SRGAP3: variants seen among roughly 807,000 people sequenced by gnomAD.
The protein encoded by SRGAP3 is SLIT-ROBO Rho GTPase activating protein 3.
Under a neutral mutation model 121.1 loss-of-function variants are expected in SRGAP3, and 39 were observed. The ratio of observed to expected loss-of-function variants is 0.32; its 90% CI spans 0.25 to 0.42. The LOEUF (loss-of-function observed/expected upper bound fraction) is 0.42, where lower values mean the gene tolerates loss of function less well. Among genes scored for constraint, SRGAP3 ranks in the 10% least tolerant of loss-of-function variants. The probability of loss-of-function intolerance (pLI) is 1.00; values close to 1 mark genes in which losing one functional copy is unlikely to be tolerated. For missense variants in SRGAP3, 1,213 were observed against 1,470.6 expected (o/e 0.82, Z 2.86); for synonymous variants, 601 against 570.0 (o/e 1.05, Z -0.77).
chr3:9,278,183 G>T (rs1954617295), intron 3 of SRGAP3, among the ~76,000 whole-genome samples: 1 of 152,226 alleles, frequency 6.6e-6, no homozygotes. Context: ...GTAAGTGGGG[G>T]AAGCAAGATC....
At chr3:9,135,654 A>C (rs1949617364) in intron 1 of SRGAP3, among the ~76,000 whole-genome samples, 1 of 152,224 alleles carries the variant, frequency 6.6e-6, no homozygotes, top group Non-Finnish European at 1.5e-5. Flanking sequence ...GCAAGTAAGT[A>C]TTCTTATCTT....
chr3:9,124,582 T>C, intron 2 of SRGAP3, 143 bp downstream of exon 2: 1 of 1,032,148 alleles, frequency 9.7e-7, no homozygotes. Context: ...CTTGGAGGTG[T>C]AAGTAACCTG....
At chr3:9,055,948 A>G (rs1343003943) in intron 8 of SRGAP3, among the ~76,000 whole-genome samples, 1 of 152,082 alleles carries the variant, frequency 6.6e-6, no homozygotes, top group African/African-American at 2.4e-5. Context: ...CATCCAGGCT[A>G]GAGTGCAGTG....
intron 1 of SRGAP3, among the ~76,000 whole-genome samples, chr3:9,235,290 C>T (rs949884680): frequency 6.6e-6 from 1 of 152,118 alleles, no homozygotes; most frequent in African/African-American, 2.4e-5. Context: ...TCTATGATCC[C>T]ATTTTTATTA....
At chr3:9,154,757 A>T (rs1950347615) in intron 1 of SRGAP3, among the ~76,000 whole-genome samples, 1 of 152,276 alleles carries the variant, frequency 6.6e-6, no homozygotes, top group South Asian at 2.1e-4. Flanking sequence ...CATTCCACAT[A>T]AAACTGGCTT....
chr3:9,240,592 G>T (rs1953594045), intron 1 of SRGAP3, among the ~76,000 whole-genome samples: 1 of 152,076 alleles, frequency 6.6e-6, no homozygotes, highest in Admixed American at 6.6e-5. Context: ...CCAACTAGAT[G>T]GTGGGCACTA....
chr3:9,185,238 G>A (rs1036546674), intron 1 of SRGAP3, among the ~76,000 whole-genome samples: 2 of 152,126 alleles, frequency 1.3e-5, no homozygotes, highest in Non-Finnish European at 2.9e-5. Context: ...ACCTCCCATG[G>A]ACAGGCTGCA....
At chr3:9,250,074 A>G (rs1256759763), upstream of SRGAP3, among the ~76,000 whole-genome samples, 1 of 152,208 alleles carries the variant, frequency 6.6e-6, no homozygotes, top group Non-Finnish European at 1.5e-5. Context: ...AAAGGCATGC[A>G]GCTTAGCAAA....
intron 12 of SRGAP3, among the ~76,000 whole-genome samples, chr3:9,028,650 A>C (rs1944327180): frequency 6.6e-6 from 1 of 152,208 alleles, no homozygotes; most frequent in Non-Finnish European, 1.5e-5. Flanking sequence ...TAACAAGATC[A>C]TGTCTACAAG....
At position 9,021,591 on chromosome 3, in the gene SRGAP3, T is replaced by C. The variant is rs116004121; in HGVS notation, c.1678+3670A>G. On this transcript the variant is annotated intron_variant, in intron 14 of 21. Coordinates refer to ENST00000383836, the MANE Select transcript of SRGAP3 (RefSeq NM_014850.4). ...AGATTTAGGAATAATAAGCCAGGAG[T>C]GGATTTCCAACATGTTATCACTTTT... Among the ~76,000 whole-genome samples the C allele has an allele frequency of 5.1e-3, 764 of 150,210 alleles. 16 individuals carry two copies. The highest frequency in any genetic ancestry group is 0.029 in the Admixed American group (442 of 15,120).
At chr3:9,077,220 A>G (rs1033388224) in intron 4 of SRGAP3, among the ~76,000 whole-genome samples, 1 of 144,184 alleles carries the variant, frequency 6.9e-6, no homozygotes, top group Non-Finnish European at 1.5e-5. Context: ...TCTTTCATGT[A>G]TTCATCCCTC....
intron 1 of SRGAP3, among the ~76,000 whole-genome samples, chr3:9,332,116 G>GTTATTATTATTA (rs145323365): frequency 2.0e-5 from 3 of 150,860 alleles, no homozygotes; most frequent in African/African-American, 4.9e-5. Context: ...TTTCATTGAG[G>GTTATTATTATTA]TTATTATTAT....
chr3:9,247,151 T>A (rs1478918606), intron 1 of SRGAP3, among the ~76,000 whole-genome samples: 3 of 152,190 alleles, frequency 2.0e-5, no homozygotes, highest in Non-Finnish European at 4.4e-5. Context: ...TTAATTTTTA[T>A]AAAATAATAA....
intron 1 of SRGAP3, among the ~76,000 whole-genome samples, chr3:9,148,647 G>C (rs920490847): frequency 2.0e-5 from 3 of 152,150 alleles, no homozygotes. Context: ...ATTTACAATG[G>C]AGAACCTGAG....
At chr3:9,169,921 C>A (rs1444757811) in intron 1 of SRGAP3, among the ~76,000 whole-genome samples, 1 of 152,270 alleles carries the variant, frequency 6.6e-6, no homozygotes, top group East Asian at 1.9e-4. Flanking sequence ...CTTTCCTGAG[C>A]CTCAGTTTCC....
intron 2 of SRGAP3, among the ~76,000 whole-genome samples, chr3:9,110,061 C>G (rs759445341): frequency 6.6e-6 from 1 of 152,122 alleles, no homozygotes; most frequent in East Asian, 1.9e-4. Context: ...TAAAACTGCA[C>G]TTTCAAACTC....
At chr3:9,017,854 G>A (rs142678188) in intron 14 of SRGAP3, among the ~76,000 whole-genome samples, 2 of 152,050 alleles carry the variant, frequency 1.3e-5, no homozygotes, top group African/African-American at 4.8e-5. Context: ...TCTATGTGTT[G>A]GTATCATTTC....
intron 18 of SRGAP3, among the ~76,000 whole-genome samples, chr3:9,009,874 G>C (rs1158309527): frequency 3.3e-5 from 5 of 152,160 alleles, no homozygotes; most frequent in African/African-American, 1.2e-4. Context: ...GTCAAGATCT[G>C]GTGACAGACT....
intron 3 of SRGAP3, among the ~76,000 whole-genome samples, chr3:9,319,823 G>T (rs1468778908): frequency 6.6e-6 from 1 of 151,916 alleles, no homozygotes; most frequent in East Asian, 1.9e-4. Flanking sequence ...GAGTGTCTGC[G>T]GTTGAGCAGG....
Sources: gnomAD v4.1 joint callset for allele counts (sites outside exome capture counted in the v4.1 genomes callset) on GRCh38, gnomAD v4.1.1 for gene constraint, MANE v1.5 for transcripts, NCBI Gene and HGNC (gene_info 2026-07-23, HGNC 2026-07-21) for gene names.